DLG2: variants seen among roughly 807,000 people sequenced by gnomAD.
DLG2 encodes discs large MAGUK scaffold protein 2.
A neutral mutation model predicts 132.5 loss-of-function variants in DLG2; 45 were observed. The observed-to-expected ratio is 0.34, with a 90% CI of 0.27 to 0.44. The LOEUF (loss-of-function observed/expected upper bound fraction) is 0.44. Among genes scored for constraint, DLG2 ranks in the 20% least tolerant of loss-of-function variants. The pLI, the probability that DLG2 is intolerant of heterozygous loss-of-function variation, is 1.00. For synonymous variants in DLG2, 424 were observed against 419.6 expected (o/e 1.01, Z -0.13); for missense variants, 1,045 against 1,196.9 (o/e 0.87, Z 1.87).
intron 3 of DLG2, among the ~76,000 whole-genome samples, chr11:85,389,232 G>C (rs1309192811): frequency 2.6e-5 from 4 of 152,080 alleles, no homozygotes; most frequent in Non-Finnish European, 4.4e-5. Context: ...CTCAGCAATA[G>C]AATTGAACAA....
At chr11:85,190,020 T>C (rs1426690371) in intron 4 of DLG2, among the ~76,000 whole-genome samples, 1 of 152,200 alleles carries the variant, frequency 6.6e-6, no homozygotes, top group Non-Finnish European at 1.5e-5. Context: ...TAAAAGTTAC[T>C]GTGAAACTGA....
intron 18 of DLG2, among the ~76,000 whole-genome samples, chr11:83,648,445 G>T (rs2068940583): frequency 1.3e-5 from 2 of 152,096 alleles, no homozygotes; most frequent in Admixed American, 1.3e-4. Flanking sequence ...GAAAGTGCAG[G>T]ACAAAGGGTA....
chr11:83,456,204 C>G lies in DLG2; in HGVS notation c.*3614G>C, dbSNP rs1185990410. ...GCCATGCGGTAGTGCTGGGAGTGGG[C>G]TCGCTTAGGAGCAGTGTTCAGGCAG... On this transcript the variant is annotated 3_prime_UTR_variant, in exon 28 of 28. Coordinates refer to ENST00000376104, the MANE Select transcript of DLG2 (RefSeq NM_001142699.3). The G allele has an allele frequency of 1.3e-5, 2 of 152,578 alleles. No homozygotes were observed. The highest frequency in any genetic ancestry group is 2.9e-5 in the Non-Finnish European group (2 of 68,158). The allele number at this position is 152,578 out of a possible 1,614,324, so 9.5% of individuals were successfully genotyped here. A position where few individuals can be genotyped will look rare whatever the true frequency, so the allele number is the denominator to read the frequency against.
At chr11:84,488,823 AG>A (rs2099157456) in intron 7 of DLG2, among the ~76,000 whole-genome samples, 1 of 152,300 alleles carries the variant, frequency 6.6e-6, no homozygotes, top group South Asian at 2.1e-4. Context: ...TAACTTTTAA[AG>A]GTCTGTGACT....
intron 5 of DLG2, chr11:85,132,684 C>A: frequency 2.2e-6 from 1 of 455,600 alleles, no homozygotes; most frequent in East Asian, 7.0e-5. Context: ...GAACTGGCAG[C>A]ACCTACTAGA....
chr11:84,807,453 AC>A lies in DLG2; in HGVS notation c.358-272723del, dbSNP rs1475269975. 2.6e-5 allele frequency among the ~76,000 whole-genome samples: 4 copies of A among 152,162 alleles called. No homozygotes were observed. In the East Asian group the frequency reaches 7.7e-4, roughly 29 times the overall value. ...AAGAGTGAAACTCCATCTCAAAAAA[AC>A]AAAAAACAAAAAAGCAAAAAAAGAA... On this transcript the variant is annotated intron_variant, in intron 6 of 27. Transcript: ENST00000376104.
chr11:84,204,355 T>C (rs1266219692), intron 8 of DLG2, among the ~76,000 whole-genome samples: 1 of 152,202 alleles, frequency 6.6e-6, no homozygotes, highest in African/African-American at 2.4e-5. Context: ...GTACAATAAA[T>C]TTCTTATATG....
intron 11 of DLG2, among the ~76,000 whole-genome samples, chr11:84,041,332 G>C (rs1454393273): frequency 6.6e-6 from 1 of 151,894 alleles, no homozygotes; most frequent in Non-Finnish European, 1.5e-5. Context: ...ATGCCAAAGG[G>C]TTTAAGCAGT....
chr11:84,294,533 G>A (rs940037318), intron 7 of DLG2, among the ~76,000 whole-genome samples: 1 of 152,194 alleles, frequency 6.6e-6, no homozygotes, highest in Non-Finnish European at 1.5e-5. Flanking sequence ...GGGAGGTGAA[G>A]GTTGCAGTGA....
chr11:84,535,678 C>T (rs1379698483), intron 6 of DLG2, among the ~76,000 whole-genome samples: 1 of 152,112 alleles, frequency 6.6e-6, no homozygotes, highest in Non-Finnish European at 1.5e-5. Context: ...CTAGTTTGTA[C>T]CCCTTTTCCC....
intron 15 of DLG2, among the ~76,000 whole-genome samples, chr11:83,903,778 C>CA (rs1171884888): frequency 6.6e-6 from 1 of 152,118 alleles, no homozygotes; most frequent in Non-Finnish European, 1.5e-5. Flanking sequence ...AACCTCCTGT[C>CA]ATTCAAGAAT....
intron 18 of DLG2, among the ~76,000 whole-genome samples, chr11:83,742,884 G>A (rs1051019513): frequency 1.3e-5 from 2 of 152,124 alleles, no homozygotes; most frequent in Non-Finnish European, 2.9e-5. Flanking sequence ...TATGGCATTA[G>A]ACACCCAGAA....
At chr11:84,213,263 T>C (rs985533616) in intron 8 of DLG2, among the ~76,000 whole-genome samples, 1 of 152,150 alleles carries the variant, frequency 6.6e-6, no homozygotes, top group African/African-American at 2.4e-5. Context: ...ATTATATCAC[T>C]TTTCTCATTT....
At chr11:85,492,591 G>A (rs1270434948) in intron 3 of DLG2, among the ~76,000 whole-genome samples, 1 of 151,718 alleles carries the variant, frequency 6.6e-6, no homozygotes, top group Non-Finnish European at 1.5e-5. Flanking sequence ...ATTCTTTTTG[G>A]AGAAGTACAG....
intron 8 of DLG2, among the ~76,000 whole-genome samples, chr11:84,244,732 C>T (rs1459428339): frequency 6.6e-6 from 1 of 152,056 alleles, no homozygotes; most frequent in Non-Finnish European, 1.5e-5. Context: ...TTAACAATGT[C>T]CATGGGAAAA....
intron 7 of DLG2, among the ~76,000 whole-genome samples, chr11:84,381,943 A>T (rs547027226): frequency 6.6e-6 from 1 of 152,180 alleles, no homozygotes; most frequent in Non-Finnish European, 1.5e-5. Flanking sequence ...CTTCTGGAGC[A>T]TGGGGACACC....
intron 4 of DLG2, among the ~76,000 whole-genome samples, chr11:85,186,961 C>G (rs2080151210): frequency 6.6e-6 from 1 of 152,082 alleles, no homozygotes; most frequent in Non-Finnish European, 1.5e-5. Flanking sequence ...AAGTATATCT[C>G]AGAGTATCCC....
intron 6 of DLG2, among the ~76,000 whole-genome samples, chr11:85,055,880 A>C (rs1194277496): frequency 6.6e-6 from 1 of 152,120 alleles, no homozygotes; most frequent in Non-Finnish European, 1.5e-5. Flanking sequence ...GGATAGATAT[A>C]GGGGAACAAA....
chr11:84,905,696 T>C (rs983517287), intron 6 of DLG2, among the ~76,000 whole-genome samples: 1 of 152,190 alleles, frequency 6.6e-6, no homozygotes, highest in African/African-American at 2.4e-5. Context: ...ATGGGCTGAC[T>C]TCTATAATAA....
Sources: allele counts gnomAD v4.1 joint callset (sites outside exome capture counted in the v4.1 genomes callset), GRCh38; gene constraint gnomAD v4.1.1; transcripts MANE v1.5; gene names NCBI Gene and HGNC (gene_info 2026-07-23, HGNC 2026-07-21).